The following INTU variants were observed in gnomAD, a reference collection of about 807,000 sequenced individuals.
INTU encodes the protein inturned planar cell polarity protein.
A neutral mutation model predicts 100.5 loss-of-function variants in INTU; 68 were observed. The ratio of observed to expected loss-of-function variants is 0.68; its 90% CI spans 0.56 to 0.83. The LOEUF (loss-of-function observed/expected upper bound fraction) is 0.83, where lower values mean the gene tolerates loss of function less well. INTU is among the 40% of genes least tolerant of loss of function. INTU has a pLI of 0.00. For missense variants in INTU, 1,071 were observed against 1,114.7 expected, an observed-to-expected ratio of 0.96 and a Z score of 0.56; for synonymous variants, 357 against 395.7, an observed-to-expected ratio of 0.90 and a Z score of 1.16.
Position 127,704,302 on chromosome 4 carries a change from C to A in INTU, c.1566+12C>A, listed in dbSNP as rs1375334664. 2 of 1,596,952 alleles carry A rather than the reference C, an allele frequency of 1.3e-6. No homozygotes were observed. Among genetic ancestry groups the A allele is most frequent in the Non-Finnish European group, 8.6e-7 (1 of 1,167,156 alleles). ...CTCTATTTTACAAGGTAAGTTGAAGCTTGAAGTCTAAATGTCCAGCTGCTG... is the reference window on the plus strand; with the variant it reads ...CTCTATTTTACAAGGTAAGTTGAAGATTGAAGTCTAAATGTCCAGCTGCTG... On this transcript the variant is annotated intron_variant, in intron 10 of 15. Transcript: ENST00000335251.
chr4:127,672,796 T>A (rs1488840109), intron 5 of INTU, among the ~76,000 whole-genome samples: 1 of 152,168 alleles, frequency 6.6e-6, no homozygotes, highest in East Asian at 1.9e-4. Context: ...TATTTTATAA[T>A]TTATATTTTA....
At position 127,705,816 on chromosome 4, in the gene INTU, A is replaced by G. The variant is rs1357605719; in HGVS notation, c.1788+4A>G. 6.2e-7 allele frequency: 1 copy of G among 1,606,664 alleles called. No homozygotes were observed. Among genetic ancestry groups the G allele is most frequent in the East Asian group, 2.2e-5 (1 of 44,828 alleles). On this transcript the variant is annotated splice_donor_region_variant and intron_variant, in intron 11 of 15. Transcript: ENST00000335251. ...TTTTTTGCTAGTTGTTGGCTTGGTA[A>G]GTTTACCTCAGCTTCTTTCTTAGGA... is the stretch of plus-strand genomic sequence containing the variant.
chr4:127,645,763 C>T (rs528645974), intron 2 of INTU, among the ~76,000 whole-genome samples: 36 of 151,978 alleles, frequency 2.4e-4, no homozygotes, highest in African/African-American at 7.9e-4. Context: ...GGAGTTTCAC[C>T]ATGTTGGTCA....
In INTU at chr4:127,705,720, T is replaced by A; in HGVS notation, c.1696T>A (p.Phe566Ile). The change falls in exon 11 of 16, where the codon TTT becomes ATT. Residue 566 changes from phenylalanine to isoleucine, a missense_variant. Transcript: ENST00000335251. ...IGQLIIWREV[F>I]PQHHLRPLAD... ...TCAGTTGATCATATGGAGAGAAGTG[T>A]TTCCTCAGCATCACCTCCGACCTTT... The A allele has an allele frequency of 6.2e-7, 1 of 1,614,002 alleles. No homozygotes were observed. The highest frequency in any genetic ancestry group is 8.5e-7 in the Non-Finnish European group (1 of 1,179,926).
chr4:127,643,994 G>A lies in INTU; in HGVS notation c.620G>A (p.Arg207Lys), dbSNP rs763921551. The A allele has an allele frequency of 1.9e-6, 3 of 1,614,206 alleles. No individual in the cohort carries two copies. In the Admixed American group the frequency reaches 5.0e-5, roughly 27 times the overall value. The change falls in exon 2 of 16, where the codon AGG (arginine) becomes AAG (lysine). Residue 207 changes from arginine (R) to lysine (K), a missense_variant. Transcript: ENST00000335251. ...RRTGKQGDGE[R>K]LVVHGLLPGG... is the part of the protein sequence containing the mutation. ...ACCGGAAAGCAGGGTGATGGAGAGA[G>A]GCTTGTGGTTCATGGCCTGCTGCCA...
intron 12 of INTU, among the ~76,000 whole-genome samples, chr4:127,707,794 A>G (rs556463865): frequency 3.5e-4 from 53 of 152,334 alleles, no homozygotes; most frequent in African/African-American, 1.2e-3. Context: ...TCCCATGAAA[A>G]TACCATAAAA....
chr4:127,725,703 A>G lies in INTU; in HGVS notation c.*9267A>G, dbSNP rs1731407268. 3 of 152,232 alleles carry G rather than the reference A, an allele frequency of 2.0e-5. No individual in the cohort carries two copies. Among genetic ancestry groups the G allele is most frequent in the African/African-American group, 7.2e-5 (3 of 41,464 alleles). 9.4% of individuals were successfully genotyped at this position (152,232 alleles called of 1,614,324 possible). On this transcript the variant is annotated 3_prime_UTR_variant, in exon 16 of 16. Transcript: ENST00000335251. ...GCAGAGCAGACTACTGATCTTAATA[A>G]AAGGAAAATTATTTGCTGTATCGTA...
In INTU at chr4:127,677,446, A is replaced by C. The variant is rs186517322; in HGVS notation, c.1181+3233A>C. On this transcript the variant is annotated intron_variant, in intron 6 of 15. Coordinates refer to ENST00000335251, the MANE Select transcript of INTU (RefSeq NM_015693.4). Reference sequence around the variant, plus strand: ...GACAGCAGCATTCGCGGTTCACGAAAATCTGCTGTTCTGCAGCCACCGCTG... The same window carrying C: ...GACAGCAGCATTCGCGGTTCACGAACATCTGCTGTTCTGCAGCCACCGCTG... Among the ~76,000 whole-genome samples the C allele has an allele frequency of 2.3e-3, 352 of 150,752 alleles. 27 individuals carry two copies. The highest frequency in any genetic ancestry group is 8.5e-3 in the African/African-American group (341 of 40,092).
At chr4:127,685,527 C>A (rs1578600817) in intron 7 of INTU, 1 of 453,618 alleles carries the variant, frequency 2.2e-6, no homozygotes, top group African/African-American at 2.0e-5. Flanking sequence ...TGAGGAGGCA[C>A]ATCCCTGTCA....
intron 15 of INTU, among the ~76,000 whole-genome samples, chr4:127,714,517 C>T (rs977158908): frequency 2.0e-5 from 3 of 152,090 alleles, no homozygotes; most frequent in African/African-American, 4.8e-5. Flanking sequence ...CCACTGTGCA[C>T]CAGCTGCACG....
rs774516182 is a variant in INTU, at chr4:127,671,477, G to T, written c.1091+2323G>T. On this transcript the variant is annotated intron_variant, in intron 5 of 15. Coordinates refer to ENST00000335251, the MANE Select transcript of INTU (RefSeq NM_015693.4). ...TCAAAAAATAACAGATGCTGGTGAG[G>T]ATGCAGAGAAAAGGGAATGCTTATA... is the stretch of plus-strand genomic sequence containing the variant. Among the ~76,000 whole-genome samples the T allele has an allele frequency of 5.9e-4, 89 of 152,108 alleles. 1 individual carries two copies. The highest frequency in any genetic ancestry group is 3.2e-4 in the Non-Finnish European group (22 of 67,954).
At chr4:127,640,357 TG>T (rs1727255420) in intron 1 of INTU, among the ~76,000 whole-genome samples, 1 of 151,650 alleles carries the variant, frequency 6.6e-6, no homozygotes, top group Non-Finnish European at 1.5e-5. Context: ...CCCTTCTGTG[TG>T]GGGGTCTCTT....
Position 127,647,754 on chromosome 4 carries a change from A to G in INTU, c.682+3698A>G, listed in dbSNP as rs148033271. Reference sequence around the variant, plus strand: ...ATTTAGAAAATACAATTAAGCAAAAAAGAAAAATTCCATATACCCAAAGAC... The same window carrying G: ...ATTTAGAAAATACAATTAAGCAAAAGAGAAAAATTCCATATACCCAAAGAC... On this transcript the variant is annotated intron_variant, in intron 2 of 15. Transcript: ENST00000335251. 3.5e-3 allele frequency among the ~76,000 whole-genome samples: 526 copies of G among 152,322 alleles called. 21 individuals are homozygous for G. Among genetic ancestry groups the G allele is most frequent in the Admixed American group, 0.032 (494 of 15,306 alleles).
At position 127,691,962 on chromosome 4, in the gene INTU, G is replaced by GTGTGTATATATATATATATATATATATA; in HGVS notation, c.1449+4096_1449+4097insGTGTATATATATATATATATATATATAT. ...GGCGGAGTATAGTGTTCCATGGTAT[G>GTGTGTATATATATATATATATATATATA]TATATATATATATATATATGTCACA... is the stretch of plus-strand genomic sequence containing the variant. On this transcript the variant is annotated intron_variant, in intron 8 of 15. Transcript: ENST00000335251. Among the ~76,000 whole-genome samples, 865 of 98,048 alleles carry GTGTGTATATATATATATATATATATATA rather than the reference G, an allele frequency of 8.8e-3. 30 individuals carry two copies. The highest frequency in any genetic ancestry group is 0.018 in the Middle Eastern group (3 of 170). 64.3% of individuals were successfully genotyped at this position (98,048 alleles called of 152,430 possible).
intron 2 of INTU, among the ~76,000 whole-genome samples, chr4:127,655,657 A>T (rs1578551177): frequency 6.6e-6 from 1 of 150,834 alleles, no homozygotes; most frequent in Middle Eastern, 3.5e-3. Context: ...AAGTCTGCAG[A>T]GGTTACTGCT....
intron 1 of INTU, among the ~76,000 whole-genome samples, chr4:127,634,651 A>G (rs1726989090): frequency 6.6e-6 from 1 of 152,230 alleles, no homozygotes; most frequent in Admixed American, 6.5e-5. Flanking sequence ...AGCTTTTCAC[A>G]TGTCACTAAT....
At chr4:127,660,690 C>G (rs1236512538) in intron 3 of INTU, among the ~76,000 whole-genome samples, 4 of 152,124 alleles carry the variant, frequency 2.6e-5, no homozygotes, top group Non-Finnish European at 5.9e-5. Context: ...AGTGATGAGT[C>G]ATAGAGAGTG....
intron 4 of INTU, 110 bp downstream of exon 4, chr4:127,663,694 C>T (rs764376774): frequency 4.8e-5 from 37 of 763,100 alleles, no homozygotes; most frequent in African/African-American, 8.8e-5. Flanking sequence ...TTGATTTAAG[C>T]AAGAGACAAA....
At position 127,697,009 on chromosome 4, in the gene INTU, C is replaced by G. The variant is rs534136940; in HGVS notation, c.1450-3001C>G. Among the ~76,000 whole-genome samples, 5 of 152,226 alleles carry G rather than the reference C, an allele frequency of 3.3e-5. No individual in the cohort carries two copies. In the East Asian group the frequency reaches 9.6e-4, roughly 29 times the overall value. ...TATCCGTTTAAATTGCCAATTACTT[C>G]GTTTAAGGCAGTATAGCACAGCAGT... On this transcript the variant is annotated intron_variant, in intron 8 of 15. Coordinates refer to ENST00000335251, the MANE Select transcript of INTU (RefSeq NM_015693.4).
Sources: allele counts gnomAD v4.1 joint callset (sites outside exome capture counted in the v4.1 genomes callset), GRCh38; gene constraint gnomAD v4.1.1; transcripts MANE v1.5; gene names NCBI Gene and HGNC (gene_info 2026-07-23, HGNC 2026-07-21).